Variants in SLC8A1 observed in about 807,000 individuals in gnomAD.
SLC8A1 encodes solute carrier family 8 member A1, also known as sodium/calcium exchanger 1.
A neutral mutation model predicts 68.3 loss-of-function variants in SLC8A1; 18 were observed. That is an observed-to-expected ratio of 0.26 (90% CI 0.18 to 0.39). The LOEUF (loss-of-function observed/expected upper bound fraction) is 0.39. Ranked by LOEUF, SLC8A1 falls within the 10% of genes least tolerant of loss-of-function variation. The pLI is 1.00. For synonymous variants in SLC8A1, 475 were observed against 415.5 expected (o/e 1.14, Z -1.74); for missense variants, 985 against 1,156.7 (o/e 0.85, Z 2.15).
chr2:40,489,548 C>T (rs1184495624), intron 1 of SLC8A1, among the ~76,000 whole-genome samples: 1 of 152,100 alleles, frequency 6.6e-6, no homozygotes, highest in South Asian at 2.1e-4. Flanking sequence ...CGCAGTTCTT[C>T]CCAGCTGGTG....
chr2:40,131,965 G>T (rs767038692), intron 7 of SLC8A1, among the ~76,000 whole-genome samples: 3 of 145,614 alleles, frequency 2.1e-5, no homozygotes, highest in Admixed American at 1.4e-4. Flanking sequence ...ATAGTTTACA[G>T]GTATAGAACT....
intron 2 of SLC8A1, among the ~76,000 whole-genome samples, chr2:40,196,885 T>G (rs1323132176): frequency 2.6e-5 from 4 of 151,946 alleles, no homozygotes; most frequent in Admixed American, 1.3e-4. Flanking sequence ...AAGAGAGAAA[T>G]TTTCTATCAA....
At chr2:40,435,025 C>T (rs567561651) in intron 1 of SLC8A1, among the ~76,000 whole-genome samples, 15 of 152,246 alleles carry the variant, frequency 9.9e-5, no homozygotes, top group African/African-American at 3.6e-4. Context: ...GTTTTGACTA[C>T]CAAGGAGGAC....
intron 1 of SLC8A1, among the ~76,000 whole-genome samples, chr2:40,432,844 G>A (rs758658546): frequency 1.3e-5 from 2 of 152,052 alleles, no homozygotes; most frequent in Non-Finnish European, 2.9e-5. Context: ...GTGGAAACAA[G>A]GAGACCAGAT....
intron 1 of SLC8A1, among the ~76,000 whole-genome samples, chr2:40,472,980 T>A (rs1280811049): frequency 6.9e-6 from 1 of 145,976 alleles, no homozygotes; most frequent in Non-Finnish European, 1.5e-5. Flanking sequence ...AGATAATACA[T>A]ACAGGAGGCA....
intron 2 of SLC8A1, among the ~76,000 whole-genome samples, chr2:40,322,747 A>G (rs778990830): frequency 4.6e-5 from 7 of 151,850 alleles, no homozygotes; most frequent in Admixed American, 6.6e-5. Flanking sequence ...AAGTTTGAAC[A>G]CTACCAATTT....
intron 2 of SLC8A1, among the ~76,000 whole-genome samples, chr2:40,373,104 T>C (rs1025973532): frequency 1.3e-5 from 2 of 152,122 alleles, no homozygotes; most frequent in African/African-American, 4.8e-5. Context: ...AAAATGTTTA[T>C]AATCATCAAA....
rs1476109049 is a variant in SLC8A1, at chr2:40,279,340, A to G, written c.1809-101485T>C. Reference sequence around the variant, plus strand: ...GGACAATTTAGCAATAATCTATAATACAGATTTTTGAAAGAAGCGATTTGT... The same window carrying G: ...GGACAATTTAGCAATAATCTATAATGCAGATTTTTGAAAGAAGCGATTTGT... On this transcript the variant is annotated intron_variant, in intron 2 of 7. Transcript: ENST00000406785. Among the ~76,000 whole-genome samples, 3 of 152,238 alleles carry G rather than the reference A, an allele frequency of 2.0e-5. No individual in the cohort carries two copies. In the South Asian group the frequency reaches 6.2e-4, roughly 32 times the overall value.
intron 2 of SLC8A1, among the ~76,000 whole-genome samples, chr2:40,295,565 AT>A (rs1158196662): frequency 1.3e-5 from 2 of 152,176 alleles, no homozygotes; most frequent in African/African-American, 2.4e-5. Flanking sequence ...ATTTTACTTA[AT>A]TAGCATCATA....
chr2:40,247,931 G>A (rs2062115228), intron 2 of SLC8A1, among the ~76,000 whole-genome samples: 1 of 152,160 alleles, frequency 6.6e-6, no homozygotes, highest in African/African-American at 2.4e-5. Context: ...ACTTATGTCA[G>A]CTATACTCAA....
chr2:40,281,612 G>A (rs2067536422), intron 2 of SLC8A1, among the ~76,000 whole-genome samples: 1 of 152,194 alleles, frequency 6.6e-6, no homozygotes, highest in African/African-American at 2.4e-5. Context: ...CAAGTCTAAT[G>A]GAGAATGAGT....
At chr2:40,354,640 T>A (rs1457888818) in intron 2 of SLC8A1, among the ~76,000 whole-genome samples, 2 of 152,208 alleles carry the variant, frequency 1.3e-5, no homozygotes, top group Non-Finnish European at 2.9e-5. Context: ...CATCTCATGC[T>A]ATTTTGGGAT....
intron 2 of SLC8A1, among the ~76,000 whole-genome samples, chr2:40,295,490 T>G (rs549232233): frequency 5.9e-5 from 9 of 152,298 alleles, no homozygotes; most frequent in Middle Eastern, 6.8e-3. Flanking sequence ...ATTTGTGCAT[T>G]TCCTTCTAAA....
intron 2 of SLC8A1, among the ~76,000 whole-genome samples, chr2:40,284,383 T>C (rs1334990530): frequency 1.4e-5 from 2 of 147,312 alleles, no homozygotes; most frequent in Non-Finnish European, 1.5e-5. Context: ...ATGTATGATA[T>C]ATGATATATA....
intron 2 of SLC8A1, among the ~76,000 whole-genome samples, chr2:40,286,216 C>T (rs2068283455): frequency 6.6e-6 from 1 of 152,154 alleles, no homozygotes; most frequent in African/African-American, 2.4e-5. Flanking sequence ...ACTATTTTTA[C>T]TCCATTTTAT....
At chr2:40,155,620 T>C (rs999009109) in intron 6 of SLC8A1, among the ~76,000 whole-genome samples, 2 of 152,216 alleles carry the variant, frequency 1.3e-5, no homozygotes, top group African/African-American at 4.8e-5. Flanking sequence ...TTAAGACTTT[T>C]AGAGTAGATT....
At chr2:40,441,302 T>C (rs914327740) in intron 1 of SLC8A1, among the ~76,000 whole-genome samples, 1 of 152,098 alleles carries the variant, frequency 6.6e-6, no homozygotes, top group Admixed American at 6.6e-5. Flanking sequence ...AAACATTCCA[T>C]GTTCATGGAT....
At chr2:40,121,772 T>G (rs1177474579) in intron 7 of SLC8A1, among the ~76,000 whole-genome samples, 1 of 152,214 alleles carries the variant, frequency 6.6e-6, no homozygotes, top group Non-Finnish European at 1.5e-5. Flanking sequence ...TAGGGAATTC[T>G]GACTATTGCC....
intron 7 of SLC8A1, among the ~76,000 whole-genome samples, chr2:40,132,255 T>G (rs867123665): frequency 6.6e-6 from 1 of 152,080 alleles, no homozygotes; most frequent in African/African-American, 2.4e-5. Context: ...AAACGAGAGA[T>G]AACATGGATT....
Sources: gnomAD v4.1 joint callset for allele counts (sites outside exome capture counted in the v4.1 genomes callset) on GRCh38, gnomAD v4.1.1 for gene constraint, MANE v1.5 for transcripts, NCBI Gene and HGNC (gene_info 2026-07-23, HGNC 2026-07-21) for gene names.